Variants in NRG3 observed in about 807,000 individuals in gnomAD.
NRG3 encodes neuregulin 3.
NRG3 carries 31 observed loss-of-function variants against 66.9 expected under a neutral mutation model. The observed-to-expected ratio is 0.46, with a 90% CI of 0.35 to 0.63. NRG3 has a LOEUF of 0.63. NRG3 is among the 20% of genes least tolerant of loss of function. The pLI is 0.00. For missense variants in NRG3, 910 were observed against 878.9 expected (o/e 1.04, Z -0.45); for synonymous variants, 393 against 359.4 (o/e 1.09, Z -1.06).
At chr10:82,251,086 G>T (rs142277264) in intron 1 of NRG3, among the ~76,000 whole-genome samples, 1 of 152,178 alleles carries the variant, frequency 6.6e-6, no homozygotes, top group African/African-American at 2.4e-5. Context: ...ATCTGACGAC[G>T]TTGGACGTAC....
chr10:82,963,560 G>C (rs1375950594), intron 6 of NRG3, among the ~76,000 whole-genome samples: 3 of 151,910 alleles, frequency 2.0e-5, no homozygotes, highest in Non-Finnish European at 2.9e-5. Flanking sequence ...GACGCCTGTA[G>C]TCCCAGCTAC....
At chr10:81,907,656 T>C (rs967037158) in intron 1 of NRG3, among the ~76,000 whole-genome samples, 2 of 152,188 alleles carry the variant, frequency 1.3e-5, no homozygotes, top group Non-Finnish European at 2.9e-5. Context: ...TGAGAATATT[T>C]ATATTAACTG....
intron 1 of NRG3, among the ~76,000 whole-genome samples, chr10:82,024,093 G>T (rs1454769580): frequency 6.6e-6 from 1 of 151,868 alleles, no homozygotes; most frequent in Non-Finnish European, 1.5e-5. Context: ...TTGTATGTGT[G>T]CAGGAATTTA....
intron 8 of NRG3, among the ~76,000 whole-genome samples, chr10:82,981,867 A>G (rs58965060): frequency 0.011 from 1,734 of 152,326 alleles, 33 homozygotes; most frequent in African/African-American, 0.04. Context: ...AGTTAGATTC[A>G]CACCTTAAAA....
chr10:82,658,037 TA>T (rs1435063669), intron 2 of NRG3, among the ~76,000 whole-genome samples: 1 of 152,132 alleles, frequency 6.6e-6, no homozygotes, highest in Non-Finnish European at 1.5e-5. Flanking sequence ...AAATATTATC[TA>T]ACTAATTCTA....
intron 2 of NRG3, among the ~76,000 whole-genome samples, chr10:82,402,396 A>G (rs1393400182): frequency 1.3e-5 from 2 of 152,022 alleles, no homozygotes; most frequent in Non-Finnish European, 2.9e-5. Context: ...AGTTTGGGGG[A>G]AAAAACAAGC....
intron 2 of NRG3, among the ~76,000 whole-genome samples, chr10:82,406,424 G>A (rs1417196402): frequency 6.6e-6 from 1 of 152,146 alleles, no homozygotes. Context: ...AAAAAGACTG[G>A]CCTGGGAAAG....
At chr10:82,422,822 G>T (rs544675926) in intron 2 of NRG3, among the ~76,000 whole-genome samples, 6 of 152,104 alleles carry the variant, frequency 3.9e-5, no homozygotes, top group African/African-American at 1.4e-4. Flanking sequence ...AAAAATGGGA[G>T]ATTTGCTGTC....
intron 3 of NRG3, among the ~76,000 whole-genome samples, chr10:82,779,271 G>A (rs1412689389): frequency 6.6e-6 from 1 of 152,018 alleles, no homozygotes; most frequent in African/African-American, 2.4e-5. Context: ...AGGTTGCTAG[G>A]GGCCTCCTCC....
intron 1 of NRG3, among the ~76,000 whole-genome samples, chr10:82,122,546 C>G (rs1196899396): frequency 1.3e-5 from 2 of 152,124 alleles, no homozygotes; most frequent in African/African-American, 2.4e-5. Context: ...AATTCTTTCT[C>G]TCTCCTGCCT....
At chr10:82,080,770 A>G (rs892008490) in intron 1 of NRG3, among the ~76,000 whole-genome samples, 8 of 152,230 alleles carry the variant, frequency 5.3e-5, no homozygotes, top group African/African-American at 1.9e-4. Flanking sequence ...ATTCAAAAGT[A>G]TGGTTTAACC....
chr10:82,084,762 A>G (rs2065621521), intron 1 of NRG3, among the ~76,000 whole-genome samples: 1 of 151,760 alleles, frequency 6.6e-6, no homozygotes, highest in Admixed American at 6.6e-5. Flanking sequence ...TCTCATTTCA[A>G]CTCTGAGTTA....
chr10:82,978,909 TTTTG>T lies in NRG3; in HGVS notation c.1413-27_1413-24del, dbSNP rs772501137. The T allele has an allele frequency of 1.9e-5, 31 of 1,597,408 alleles. No homozygotes were observed. The Admixed American group carries it at 2.0e-4, about 11-fold the overall frequency. On this transcript the variant is annotated intron_variant, in intron 7 of 8. Transcript: ENST00000372141. ...CCTGTGAGGTTATTGCTATGATGTCTTTTGTTTGTTTGTTTGTCTGTTTTCATTC... is the reference window on the plus strand; with the variant it reads ...CCTGTGAGGTTATTGCTATGATGTCTTTTGTTTGTTTGTCTGTTTTCATTC...
At chr10:82,160,649 A>C (rs992585010) in intron 1 of NRG3, among the ~76,000 whole-genome samples, 1 of 151,990 alleles carries the variant, frequency 6.6e-6, no homozygotes, top group Non-Finnish European at 1.5e-5. Context: ...AGAGACAAGA[A>C]CCCTATCAAT....
chr10:82,756,063 C>T (rs1375479138), intron 3 of NRG3, among the ~76,000 whole-genome samples: 1 of 151,744 alleles, frequency 6.6e-6, no homozygotes, highest in African/African-American at 2.4e-5. Context: ...GAAAACGTAC[C>T]GTTTGTTTTC....
intron 2 of NRG3, among the ~76,000 whole-genome samples, chr10:82,729,452 T>G (rs79707555): frequency 6.6e-6 from 1 of 151,964 alleles, no homozygotes; most frequent in Admixed American, 6.6e-5. Flanking sequence ...GATTTTTTTT[T>G]ATACCAGATG....
chr10:82,601,495 T>A (rs910994728), intron 2 of NRG3, among the ~76,000 whole-genome samples: 1 of 152,228 alleles, frequency 6.6e-6, no homozygotes, highest in African/African-American at 2.4e-5. Flanking sequence ...TCAAATGGCA[T>A]GACTATTGTC....
chr10:82,526,544 C>G (rs183110466), intron 2 of NRG3, among the ~76,000 whole-genome samples: 89 of 151,694 alleles, frequency 5.9e-4, no homozygotes, highest in African/African-American at 2.1e-3. Flanking sequence ...AATGAAAATA[C>G]GTACAAATAG....
intron 3 of NRG3, among the ~76,000 whole-genome samples, chr10:82,745,935 A>G (rs2058623926): frequency 6.6e-6 from 1 of 152,126 alleles, no homozygotes; most frequent in African/African-American, 2.4e-5. Context: ...TCTGTCACCC[A>G]GGCTGGAGTG....
Sources: allele counts gnomAD v4.1 joint callset (sites outside exome capture counted in the v4.1 genomes callset), GRCh38; gene constraint gnomAD v4.1.1; transcripts MANE v1.5; gene names NCBI Gene and HGNC (gene_info 2026-07-23, HGNC 2026-07-21).